The following PZP variants were observed in gnomAD, a reference collection of about 807,000 sequenced individuals.
The protein encoded by PZP is PZP alpha-2-macroglobulin like.
PZP carries 150 observed loss-of-function variants against 179.8 expected under a neutral mutation model. The observed-to-expected ratio is 0.83, with a 90% CI of 0.73 to 0.96. PZP has a LOEUF of 0.96. Among genes scored for constraint, PZP ranks in the 40% least tolerant of loss-of-function variants. The pLI, the probability that PZP is intolerant of heterozygous loss-of-function variation, is 0.00. For synonymous variants in PZP, 624 were observed against 652.3 expected, an observed-to-expected ratio of 0.96 and a Z score of 0.66; for missense variants, 1,689 against 1,764.0, an observed-to-expected ratio of 0.96 and a Z score of 0.76.
chr12:9,180,378 C>T (rs1457456063), intron 15 of PZP, among the ~76,000 whole-genome samples: 6 of 152,180 alleles, frequency 3.9e-5, no homozygotes, highest in African/African-American at 1.4e-4. Flanking sequence ...CTGGAGGCAT[C>T]ACACTACCTG....
At position 9,149,903 on chromosome 12, in the gene PZP, C is replaced by G. The variant is rs567184083; in HGVS notation, c.4385-301G>C. 3.7e-4 allele frequency among the ~76,000 whole-genome samples: 57 copies of G among 152,262 alleles called. 2 individuals carry two copies. Among genetic ancestry groups the G allele is most frequent in the African/African-American group, 1.3e-3 (53 of 41,562 alleles). On this transcript the variant is annotated intron_variant, in intron 34 of 35. Coordinates refer to ENST00000261336, the MANE Select transcript of PZP (RefSeq NM_002864.3). ...CTTCCATGACCTCTCTGCTTCTATT[C>G]ACTTTGTTCAGCTTGCTCCCTTAAT...
intron 22 of PZP, chr12:9,162,264 C>T: frequency 4.7e-6 from 1 of 212,942 alleles, no homozygotes; most frequent in Non-Finnish European, 9.2e-6. Flanking sequence ...ACCCGGCTAA[C>T]CCTGCTCTCT....
the PZP span, among the ~76,000 whole-genome samples, chr12:9,142,959 A>G: frequency 1.3e-5 from 2 of 152,220 alleles, no homozygotes; most frequent in South Asian, 4.1e-4. Context: ...GAGTGGCAAG[A>G]AAGAATGGAG....
At position 9,151,725 on chromosome 12, in the gene PZP, G is replaced by T. The variant is rs1187109699; in HGVS notation, c.4213-53C>A. 3.5e-6 allele frequency: 5 copies of T among 1,428,720 alleles called. No individual in the cohort carries two copies. In the Admixed American group the frequency reaches 8.6e-5, roughly 25 times the overall value. 88.5% of individuals were successfully genotyped at this position (1,428,720 alleles called of 1,614,324 possible). A position where few individuals can be genotyped will look rare whatever the true frequency, so the allele number is the denominator to read the frequency against. On this transcript the variant is annotated intron_variant, in intron 32 of 35. Coordinates refer to ENST00000261336, the MANE Select transcript of PZP (RefSeq NM_002864.3). ...AAGTTAGAGAACAGATGTGAGAATG[G>T]TGTGAGATCTAGAGCAGATTGTAAT...
At chr12:9,157,579 C>T (rs1940855496) in intron 27 of PZP, among the ~76,000 whole-genome samples, 188 bp downstream of exon 27, 1 of 152,214 alleles carries the variant, frequency 6.6e-6, no homozygotes. Context: ...GGTTTTGATA[C>T]ATAGTCTATG....
chr12:9,196,446 A>T lies in PZP; in HGVS notation c.983-7T>A, dbSNP rs768607593. ...TTTGCAGTGACTTCCAGGTCTGAAA[A>T]ATATAAAGAGTCAGTACTTTTAGAA... On this transcript the variant is annotated splice_polypyrimidine_tract_variant and splice_region_variant and intron_variant, in intron 9 of 35. Coordinates refer to ENST00000261336, the MANE Select transcript of PZP (RefSeq NM_002864.3). 1 of 1,601,230 alleles carries T rather than the reference A, an allele frequency of 6.2e-7. No homozygotes were observed. The highest frequency in any genetic ancestry group is 8.6e-7 in the Non-Finnish European group (1 of 1,168,598).
Position 9,150,712 on chromosome 12 carries a change from A to C in PZP, c.4316T>G (p.Val1439Gly). 6.2e-7 allele frequency: 1 copy of C among 1,613,112 alleles called. No homozygotes were observed. The highest frequency in any genetic ancestry group is 8.5e-7 in the Non-Finnish European group (1 of 1,179,380). ...GTCTCCTACTGGGATGTCTTGCAGA[A>C]CCATGAAGGAAAAACTTAGCGTCTG... is the stretch of plus-strand genomic sequence containing the variant. ...TNQTLSFSFM[V>G]LQDIPVGDLK... Residue 1439 changes from valine (V) to glycine (G), a missense_variant, in exon 34 of 36, where the codon GTT becomes GGT. This residue lies in a region of PZP where 746 missense variants were observed against 749.2 expected (regional missense o/e 1.00). Transcript: ENST00000261336.
At position 9,166,075 on chromosome 12, in the gene PZP, C is replaced by G; in HGVS notation, c.2235G>C (p.Trp745Cys). 2 of 1,609,906 alleles carry G rather than the reference C, an allele frequency of 1.2e-6. No individual in the cohort carries two copies. The highest frequency in any genetic ancestry group is 2.2e-5 in the South Asian group (2 of 89,568). The change falls in exon 18 of 36, where the codon TGG (tryptophan) becomes TGC (cysteine). Residue 745 changes from tryptophan (W) to cysteine (C), a missense_variant. By Grantham distance (215) the Trp-to-Cys change is radical. This residue lies in a region of PZP where 201 missense variants were observed against 284.2 expected (regional missense o/e 0.71). Coordinates refer to ENST00000261336, the MANE Select transcript of PZP (RefSeq NM_002864.3). ...ETVRSYFPET[W>C]IWELVAVNSS... ...ACTTCACTGCCACCAACTCCCAGAT[C>G]CAAGTCTCAGGAAAATAGCTTCGCA...
chr12:9,179,332 G>T (rs1321684786), intron 15 of PZP, among the ~76,000 whole-genome samples: 1 of 152,096 alleles, frequency 6.6e-6, no homozygotes, highest in Non-Finnish European at 1.5e-5. Flanking sequence ...TAAGGACAAG[G>T]ACTGTGATAT....
intron 14 of PZP, among the ~76,000 whole-genome samples, 153 bp downstream of exon 14, chr12:9,181,822 A>G (rs963961565): frequency 6.6e-6 from 1 of 152,224 alleles, no homozygotes; most frequent in Non-Finnish European, 1.5e-5. Flanking sequence ...GTGCTGTACT[A>G]GATCCCTAGA....
At chr12:9,159,901 C>T (rs1216184579) in intron 25 of PZP, 37 bp downstream of exon 25, 10 of 1,535,342 alleles carry the variant, frequency 6.5e-6, no homozygotes, top group Non-Finnish European at 9.0e-6. Context: ...ACGTTCTGAA[C>T]TCATAGTTGA....
intron 17 of PZP, among the ~76,000 whole-genome samples, chr12:9,166,636 T>G (rs1180617689): frequency 6.6e-6 from 1 of 152,236 alleles, no homozygotes; most frequent in Non-Finnish European, 1.5e-5. Context: ...TGATTTACAT[T>G]AAATTACTTT....
intron 10 of PZP, among the ~76,000 whole-genome samples, chr12:9,194,674 C>T (rs1281826488): frequency 6.6e-6 from 1 of 152,030 alleles, no homozygotes; most frequent in East Asian, 1.9e-4. Context: ...CCATGTTAGC[C>T]AGGATGGTCT....
chr12:9,148,909 C>G lies in PZP; in HGVS notation c.*63G>C. 2.1e-6 allele frequency: 3 copies of G among 1,407,466 alleles called. No individual in the cohort carries two copies. Among genetic ancestry groups the G allele is most frequent in the Non-Finnish European group, 3.0e-6 (3 of 1,002,062 alleles). The allele number at this position is 1,407,466 out of a possible 1,614,324, so 87.2% of individuals were successfully genotyped here. ...GTCTATTTTATAGAGACAAATAACT[C>G]CATTCCTTCTAAGTAAATGTATAGG... is the stretch of plus-strand genomic sequence containing the variant. On this transcript the variant is annotated 3_prime_UTR_variant, in exon 36 of 36. Transcript: ENST00000261336.
chr12:9,140,738 G>A, the PZP span, among the ~76,000 whole-genome samples: 1 of 152,092 alleles, frequency 6.6e-6, no homozygotes. Flanking sequence ...ATAACTTGGG[G>A]GTACTGGCCT....
chr12:9,173,856 A>G (rs764129678), intron 15 of PZP, among the ~76,000 whole-genome samples: 3 of 152,314 alleles, frequency 2.0e-5, no homozygotes, highest in Non-Finnish European at 4.4e-5. Flanking sequence ...AACCAAAAAA[A>G]GCCCAGGACC....
At chr12:9,144,412 G>T (rs1939898024), downstream of PZP, among the ~76,000 whole-genome samples, 1 of 152,088 alleles carries the variant, frequency 6.6e-6, no homozygotes, top group Admixed American at 6.6e-5. Context: ...GGGGTGGTTG[G>T]CCAGAGACTC....
chr12:9,149,620 G>A lies in PZP; in HGVS notation c.4385-18C>T. On this transcript the variant is annotated intron_variant, in intron 34 of 35. Transcript: ENST00000261336. ...AGACTCATCTGAAAGATAACGTTGG[G>A]TGAAGGAAGAAACGAAAGATCTATG... 1 of 1,611,652 alleles carries A rather than the reference G, an allele frequency of 6.2e-7. No homozygotes were observed. Among genetic ancestry groups the A allele is most frequent in the Non-Finnish European group, 8.5e-7 (1 of 1,178,584 alleles).
intron 10 of PZP, among the ~76,000 whole-genome samples, chr12:9,194,471 T>G (rs925327156): frequency 1.3e-5 from 2 of 149,300 alleles, no homozygotes; most frequent in Non-Finnish European, 3.0e-5. Flanking sequence ...AGTTTTTTTT[T>G]TTTTTTTTTT....
Sources: gnomAD v4.1 joint callset for allele counts (sites outside exome capture counted in the v4.1 genomes callset) on GRCh38, gnomAD v4.1.1 for gene constraint, gnomAD v4.1.1 regional missense constraint, MANE v1.5 for transcripts, NCBI Gene and HGNC (gene_info 2026-07-23, HGNC 2026-07-21) for gene names.